The following PLEKHG1 variants were observed in gnomAD, a reference collection of about 807,000 sequenced individuals.
PLEKHG1 encodes pleckstrin homology and RhoGEF domain containing G1, also known as pleckstrin homology domain-containing family G member 1.
Under a neutral mutation model 100.8 loss-of-function variants are expected in PLEKHG1, and 44 were observed. The observed-to-expected ratio is 0.44, with a 90% CI of 0.34 to 0.56. The LOEUF (loss-of-function observed/expected upper bound fraction) is 0.56. PLEKHG1 is among the 20% of genes least tolerant of loss of function. The probability of loss-of-function intolerance (pLI) is 0.01; values close to 1 mark genes in which losing one functional copy is unlikely to be tolerated. For missense variants in PLEKHG1, 1,545 were observed against 1,720.9 expected, an observed-to-expected ratio of 0.90 and a Z score of 1.81; for synonymous variants, 640 against 662.5, an observed-to-expected ratio of 0.97 and a Z score of 0.52.
intron 3 of PLEKHG1, among the ~76,000 whole-genome samples, chr6:150,673,203 C>A (rs1779634503): frequency 6.6e-6 from 1 of 152,106 alleles, no homozygotes; most frequent in Admixed American, 6.6e-5. Flanking sequence ...TCTAAAAGGG[C>A]AAATCATCAT....
intron 6 of PLEKHG1, 147 bp from the exon 8 acceptor site, chr6:150,804,463 G>A (rs984245700): frequency 3.8e-5 from 22 of 580,598 alleles, no homozygotes; most frequent in Non-Finnish European, 5.5e-5. Context: ...GGGATTACAG[G>A]CATGAGCCAC....
At chr6:150,770,861 C>T (rs1244818084) in intron 3 of PLEKHG1, among the ~76,000 whole-genome samples, 2 of 152,220 alleles carry the variant, frequency 1.3e-5, no homozygotes, top group African/African-American at 4.8e-5. Context: ...CCTAGGTCTT[C>T]TGTGGTTTGG....
At chr6:150,821,394 A>G (rs112261977) in intron 13 of PLEKHG1, among the ~76,000 whole-genome samples, 161 bp downstream of exon 14, 5 of 152,328 alleles carry the variant, frequency 3.3e-5, no homozygotes, top group African/African-American at 9.6e-5. Context: ...TATAAAATAT[A>G]TAGTCAAAGC....
At chr6:150,766,686 G>A (rs1784469727) in intron 2 of PLEKHG1, among the ~76,000 whole-genome samples, 1 of 152,208 alleles carries the variant, frequency 6.6e-6, no homozygotes, top group Non-Finnish European at 1.5e-5. Context: ...TTGAGCTGGC[G>A]ATGGGCCATC....
intron 3 of PLEKHG1, among the ~76,000 whole-genome samples, chr6:150,709,497 A>C (rs946417034): frequency 1.3e-5 from 2 of 152,212 alleles, no homozygotes; most frequent in African/African-American, 4.8e-5. Context: ...ATGGAGTTAA[A>C]AAGTGGATTG....
intron 1 of PLEKHG1, chr6:150,624,992 AT>A (rs1777451909): frequency 6.6e-6 from 1 of 152,170 alleles, no homozygotes; most frequent in Non-Finnish European, 1.5e-5. Context: ...GAAGTTTGAG[AT>A]CAGCCTGGCC....
chr6:150,608,251 G>C (rs1266613662), intron 1 of PLEKHG1, among the ~76,000 whole-genome samples: 3 of 152,092 alleles, frequency 2.0e-5, no homozygotes, highest in African/African-American at 7.2e-5. Flanking sequence ...ATCTGAAAAT[G>C]GAAGCAAATA....
chr6:150,808,198 G>C (rs1787259489), intron 7 of PLEKHG1, among the ~76,000 whole-genome samples: 1 of 151,988 alleles, frequency 6.6e-6, no homozygotes, highest in Non-Finnish European at 1.5e-5. Flanking sequence ...TACACCTACT[G>C]TGTACCCATA....
intron 3 of PLEKHG1, among the ~76,000 whole-genome samples, chr6:150,669,877 C>A (rs987800415): frequency 1.3e-5 from 2 of 152,242 alleles, no homozygotes; most frequent in African/African-American, 4.8e-5. Context: ...GGATTACAGG[C>A]GTGAGCCACC....
intron 1 of PLEKHG1, among the ~76,000 whole-genome samples, chr6:150,603,806 C>T (rs772716357): frequency 6.6e-6 from 1 of 152,202 alleles, no homozygotes; most frequent in African/African-American, 2.4e-5. Context: ...CTGCTGGATT[C>T]GTGGATCCGC....
chr6:150,760,963 GTGTTA>G (rs1784122155), intron 2 of PLEKHG1, among the ~76,000 whole-genome samples: 2 of 151,978 alleles, frequency 1.3e-5, no homozygotes, highest in African/African-American at 4.8e-5. Flanking sequence ...ACTGATTTTA[GTGTTA>G]TGTTTATACC....
intron 3 of PLEKHG1, among the ~76,000 whole-genome samples, chr6:150,774,946 C>G (rs1386006755): frequency 6.6e-6 from 1 of 151,804 alleles, no homozygotes; most frequent in African/African-American, 2.4e-5. Context: ...CTTGTCCTGT[C>G]TTTGTTCAGT....
At chr6:150,759,938 G>A (rs1050628976) in intron 2 of PLEKHG1, among the ~76,000 whole-genome samples, 1 of 152,166 alleles carries the variant, frequency 6.6e-6, no homozygotes, top group Non-Finnish European at 1.5e-5. Context: ...CCAGGTTGCA[G>A]TGAGCTGTGA....
At chr6:150,818,255 G>T (rs1247019273) in intron 11 of PLEKHG1, 39 bp downstream of exon 12, 1 of 1,393,276 alleles carries the variant, frequency 7.2e-7, no homozygotes, top group East Asian at 2.3e-5. Context: ...AAATTTCATT[G>T]TCTGTTTGTA....
intron 3 of PLEKHG1, among the ~76,000 whole-genome samples, chr6:150,709,656 T>C (rs1272632213): frequency 3.3e-5 from 5 of 152,208 alleles, no homozygotes; most frequent in Admixed American, 2.6e-4. Context: ...AAGATAAAAT[T>C]GTCTGGGAGA....
chr6:150,740,320 A>C (rs763967960), intron 2 of PLEKHG1, among the ~76,000 whole-genome samples: 20 of 152,358 alleles, frequency 1.3e-4, no homozygotes, highest in Non-Finnish European at 2.8e-4. Flanking sequence ...GGCAGTGTGC[A>C]TCTTACTCTT....
At chr6:150,786,057 T>A (rs1032890090) in intron 3 of PLEKHG1, among the ~76,000 whole-genome samples, 5 of 151,780 alleles carry the variant, frequency 3.3e-5, no homozygotes, top group African/African-American at 1.2e-4. Flanking sequence ...ACAGGTACAC[T>A]GTACCTGGTA....
chr6:150,816,514 G>A (rs1775969543), intron 10 of PLEKHG1, among the ~76,000 whole-genome samples: 1 of 151,364 alleles, frequency 6.6e-6, no homozygotes, highest in African/African-American at 2.4e-5. Context: ...TTTTAGTAGA[G>A]ACGGTTTCAC....
At position 150,600,472 on chromosome 6, in the gene PLEKHG1, AGTCAGCTGG is replaced by A. The variant is rs1420039769; in HGVS notation, c.-204+463_-204+471del. Among the ~76,000 whole-genome samples the A allele has an allele frequency of 1.3e-5, 2 of 151,558 alleles. No individual in the cohort carries two copies. The highest frequency in any genetic ancestry group is 2.1e-4 in the South Asian group (1 of 4,788). On this transcript the variant is annotated intron_variant, in intron 1 of 3. Transcript: ENST00000367326. This position sits in a 1 kb window ranked among gnomAD's most constrained non-coding sequence, Gnocchi z 6.2. ...AGCCCCAGAACGGGACCCCACAGCCAGTCAGCTGGGTCAGCTCCCCAGCAGCGAAGCCGG... is the reference window on the plus strand; with the variant it reads ...AGCCCCAGAACGGGACCCCACAGCCAGTCAGCTCCCCAGCAGCGAAGCCGG...
Sources: allele counts gnomAD v4.1 joint callset (sites outside exome capture counted in the v4.1 genomes callset), GRCh38; gene constraint gnomAD v4.1.1; non-coding constraint Gnocchi (gnomAD v3.1); transcripts MANE v1.5; gene names NCBI Gene and HGNC (gene_info 2026-07-23, HGNC 2026-07-21).